TAF15: variants seen among roughly 807,000 people sequenced by gnomAD.
TAF15 encodes TATA-binding protein-associated factor 2N.
TAF15 carries 37 observed loss-of-function variants against 102.5 expected under a neutral mutation model. The ratio of observed to expected loss-of-function variants is 0.36; its 90% CI spans 0.28 to 0.47. TAF15 has a LOEUF of 0.47. Ranked by LOEUF, TAF15 falls within the 20% of genes least tolerant of loss-of-function variation. The pLI is 0.99. For synonymous variants in TAF15, 273 were observed against 259.2 expected (o/e 1.05, Z -0.51); for missense variants, 652 against 760.7 (o/e 0.86, Z 1.68).
At chr17:35,811,068 C>T (rs1172272026) in intron 1 of TAF15, 1 of 152,202 alleles carries the variant, frequency 6.6e-6, no homozygotes, top group Non-Finnish European at 1.5e-5. Flanking sequence ...AAGAGTGTAT[C>T]ATCTACCCGT....
In TAF15 at chr17:35,829,644, AAAAAAAAAAAAAG is replaced by A. The variant is rs1269883302; in HGVS notation, c.606-4261_606-4249del. 2.4e-3 allele frequency among the ~76,000 whole-genome samples: 339 copies of A among 143,844 alleles called. 5 individuals are homozygous for A. Among genetic ancestry groups the A allele is most frequent in the African/African-American group, 7.7e-3 (311 of 40,256 alleles). 94.4% of individuals were successfully genotyped at this position (143,844 alleles called of 152,430 possible). A position where few individuals can be genotyped will look rare whatever the true frequency, so the allele number is the denominator to read the frequency against. On this transcript the variant is annotated intron_variant, in intron 7 of 15. Transcript: ENST00000605844. ...GAGACTCCATCTCAAAAAAAAAAAA[AAAAAAAAAAAAAG>A]AGAGAGAGAGACCTGGAGTAGAGAT...
intron 5 of TAF15, among the ~76,000 whole-genome samples, chr17:35,820,784 T>C (rs1324357088): frequency 1.3e-5 from 2 of 152,126 alleles, no homozygotes; most frequent in Non-Finnish European, 2.9e-5. Context: ...TTTTGAACCA[T>C]TTGAATATAT....
At chr17:35,822,027 CT>C (rs1220318012) in intron 5 of TAF15, among the ~76,000 whole-genome samples, 1 of 151,452 alleles carries the variant, frequency 6.6e-6, no homozygotes, top group Admixed American at 6.6e-5. Context: ...TTTGTAGCAT[CT>C]TTTACTTTTT....
intron 7 of TAF15, among the ~76,000 whole-genome samples, chr17:35,829,323 TTA>T (rs1250115368): frequency 6.6e-6 from 1 of 150,720 alleles, no homozygotes; most frequent in African/African-American, 2.4e-5. Context: ...TTTATTTTTA[TTA>T]TTTTTTTTTT....
Position 35,847,132 on chromosome 17 carries a change from T to G in TAF15, c.*187T>G, listed in dbSNP as rs897297500. ...GTCTGTTGAGATTTCCCCCTTTAGT[T>G]TCCAACCTTCTCCCCAACCCTTGGA... On this transcript the variant is annotated 3_prime_UTR_variant, in exon 16 of 16. Transcript: ENST00000605844. 7.5e-6 allele frequency: 5 copies of G among 669,292 alleles called. No homozygotes were observed. The highest frequency in any genetic ancestry group is 1.3e-5 in the Non-Finnish European group (5 of 383,970). The allele number at this position is 669,292 out of a possible 1,614,324, so 41.5% of individuals were successfully genotyped here. A position where few individuals can be genotyped will look rare whatever the true frequency, so the allele number is the denominator to read the frequency against.
chr17:35,834,563 T>C lies in TAF15; in HGVS notation c.641-3T>C, dbSNP rs773398136. On this transcript the variant is annotated splice_polypyrimidine_tract_variant and splice_region_variant and intron_variant, in intron 8 of 15. Coordinates refer to ENST00000605844, the MANE Select transcript of TAF15 (RefSeq NM_139215.3). ...AGCTCTTTTTTCTTTTCTTTTCCCT[T>C]AGGTCACAGGGATTATGGACCCAGA... is the stretch of plus-strand genomic sequence containing the variant. 2.5e-6 allele frequency: 4 copies of C among 1,613,250 alleles called. No homozygotes were observed. Among genetic ancestry groups the C allele is most frequent in the Non-Finnish European group, 3.4e-6 (4 of 1,179,706 alleles).
intron 15 of TAF15, among the ~76,000 whole-genome samples, chr17:35,846,055 A>C (rs2087620050): frequency 6.6e-6 from 1 of 152,246 alleles, no homozygotes; most frequent in African/African-American, 2.4e-5. Context: ...CGAATGGTGT[A>C]GAGGCAGAAG....
intron 7 of TAF15, among the ~76,000 whole-genome samples, chr17:35,828,777 TA>T (rs11348556): frequency 0.21 from 29,224 of 136,430 alleles, 3,067 homozygotes; most frequent in South Asian, 0.29. Flanking sequence ...TTCAAATGTT[TA>T]AAAAAAAAAA....
intron 6 of TAF15, chr17:35,823,706 CAAAA>C (rs57004932): frequency 0.019 from 3,033 of 159,454 alleles, no homozygotes; most frequent in South Asian, 0.043. Flanking sequence ...CTCTTGTCTC[CAAAA>C]AAAAAAAAAA....
chr17:35,834,915 T>C (rs2087456319), intron 9 of TAF15, among the ~76,000 whole-genome samples: 2 of 151,838 alleles, frequency 1.3e-5, no homozygotes, highest in South Asian at 4.2e-4. Flanking sequence ...CCTGCTAATT[T>C]TTGTATTTTT....
intron 9 of TAF15, among the ~76,000 whole-genome samples, 176 bp from the exon 10 acceptor site, chr17:35,835,952 TCAAC>T (rs1042078610): frequency 9.8e-5 from 15 of 152,368 alleles, no homozygotes; most frequent in South Asian, 2.1e-4. Flanking sequence ...TAAGAATTGA[TCAAC>T]CAAATAATTA....
chr17:35,809,511 G>A lies in TAF15; in HGVS notation c.-59G>A, dbSNP rs1243039599. The A allele has an allele frequency of 7.4e-6, 12 of 1,610,848 alleles. No individual in the cohort carries two copies. The highest frequency in any genetic ancestry group is 1.0e-5 in the Non-Finnish European group (12 of 1,179,222). On this transcript the variant is annotated 5_prime_UTR_variant, in exon 1 of 16. Transcript: ENST00000605844. ...TACAGCTCCGGCCGCCGCGCCGCCT[G>A]GCTTTCGTATTCGTTGTTCTCGGCG...
chr17:35,834,738 TTC>T (rs374603994), intron 9 of TAF15, 140 bp downstream of exon 9: 128 of 562,144 alleles, frequency 2.3e-4, no homozygotes, highest in South Asian at 4.3e-4. Context: ...GGAGCTTTAT[TTC>T]TTTTTTTTTT....
rs199612703 is a variant in TAF15, at chr17:35,844,405, A to G, written c.1177+37A>G. 1,038 of 1,610,332 alleles carry G rather than the reference A, an allele frequency of 6.4e-4. 1 individual carries two copies. The highest frequency in any genetic ancestry group is 7.7e-4 in the Non-Finnish European group (909 of 1,176,622). On this transcript the variant is annotated intron_variant, in intron 14 of 15. Transcript: ENST00000605844. ...TTTTAATAGCATCTGCATCGTGCTT[A>G]TCTTCTGACTAGCATTAAGGGGGCT...
At chr17:35,839,451 G>T (rs1568275573) in intron 11 of TAF15, among the ~76,000 whole-genome samples, 1 of 132,480 alleles carries the variant, frequency 7.5e-6, no homozygotes, top group Non-Finnish European at 1.5e-5. Context: ...GCGCAATCTC[G>T]GCTCACTGCA....
intron 7 of TAF15, among the ~76,000 whole-genome samples, chr17:35,827,612 A>AT (rs1235417780): frequency 6.6e-6 from 1 of 152,070 alleles, no homozygotes; most frequent in Non-Finnish European, 1.5e-5. Context: ...AGGCTGAGAC[A>AT]GGAGAATCAG....
chr17:35,825,822 C>T (rs2087318354), intron 7 of TAF15, among the ~76,000 whole-genome samples: 1 of 152,108 alleles, frequency 6.6e-6, no homozygotes. Flanking sequence ...GTGGCAGGCG[C>T]CTGTAGTCGT....
chr17:35,843,905 TTTAC>T (rs2087577390), intron 12 of TAF15, among the ~76,000 whole-genome samples, 168 bp from the exon 13 acceptor site: 3 of 152,226 alleles, frequency 2.0e-5, no homozygotes, highest in African/African-American at 7.2e-5. Flanking sequence ...AGGTCCTCTG[TTTAC>T]TAAGTACAAG....
Position 35,820,048 on chromosome 17 carries a change from C to G in TAF15, c.72C>G (p.Gly24=), listed in dbSNP as rs778425391. Residue 24 remains glycine, a synonymous_variant, in exon 3 of 16, where the codon GGC becomes GGG. Transcript: ENST00000605844. ...QQSYSTYGNP[G]SQGYGQASQS... ...GTTATTCTACCTATGGAAATCCAGG[C>G]AGCCAAGGCTATGGACAAGCATCAC... 3.7e-6 allele frequency: 6 copies of G among 1,614,046 alleles called. No homozygotes were observed. Among genetic ancestry groups the G allele is most frequent in the South Asian group, 1.1e-5 (1 of 91,084 alleles).
Sources: allele counts gnomAD v4.1 joint callset (sites outside exome capture counted in the v4.1 genomes callset), GRCh38; gene constraint gnomAD v4.1.1; transcripts MANE v1.5; gene names NCBI Gene and HGNC (gene_info 2026-07-23, HGNC 2026-07-21).